SLCO5A1: variants seen among roughly 807,000 people sequenced by gnomAD.
SLCO5A1 encodes solute carrier organic anion transporter family member 5A1, also known as organic anion transporter polypeptide-related protein 4.
Under a neutral mutation model 65.1 loss-of-function variants are expected in SLCO5A1, and 39 were observed. The observed-to-expected ratio is 0.60, with a 90% CI of 0.46 to 0.78. The LOEUF is 0.78. Ranked by LOEUF, SLCO5A1 falls within the 30% of genes least tolerant of loss-of-function variation. The pLI is 0.00. For synonymous variants in SLCO5A1, 438 were observed against 415.7 expected (o/e 1.05, Z -0.65); for missense variants, 1,029 against 1,069.4 (o/e 0.96, Z 0.53).
chr8:69,813,813 G>A (rs948083489), intron 2 of SLCO5A1, among the ~76,000 whole-genome samples: 5 of 152,158 alleles, frequency 3.3e-5, no homozygotes, highest in African/African-American at 1.2e-4. Context: ...TTACTCCTTT[G>A]TTAAAATATA....
Position 69,738,134 on chromosome 8 carries a change from A to C in SLCO5A1, c.1329T>G (p.Ala443=). 6.2e-7 allele frequency: 1 copy of C among 1,613,998 alleles called. No individual in the cohort carries two copies. The highest frequency in any genetic ancestry group is 8.5e-7 in the Non-Finnish European group (1 of 1,179,908). ...TGAAAGCAGTTACAATGGCACTCTC[A>C]GCTGTGTATGACAAACTCACAAAAA... ...TFLFVSLSYT[A]ESAIVTAFIT... Residue 443 remains alanine (A), a synonymous_variant, in exon 5 of 10, where the codon GCT becomes GCG. Transcript: ENST00000260126.
At chr8:69,770,286 T>C (rs1818262140) in intron 2 of SLCO5A1, among the ~76,000 whole-genome samples, 1 of 152,282 alleles carries the variant, frequency 6.6e-6, no homozygotes, top group African/African-American at 2.4e-5. Context: ...AGCTTTATTA[T>C]GTATATGCTG....
At chr8:69,696,867 G>T (rs980755693) in intron 6 of SLCO5A1, among the ~76,000 whole-genome samples, 7 of 151,880 alleles carry the variant, frequency 4.6e-5, no homozygotes, top group Admixed American at 1.3e-4. Context: ...CTATGAAAAG[G>T]GAACACTCAG....
chr8:69,826,072 G>T (rs1820896494), intron 2 of SLCO5A1, among the ~76,000 whole-genome samples: 2 of 152,224 alleles, frequency 1.3e-5, no homozygotes, highest in African/African-American at 4.8e-5. Flanking sequence ...AAACTGGCTA[G>T]CCATATGCAG....
At chr8:69,724,648 A>G (rs1054530875) in intron 5 of SLCO5A1, among the ~76,000 whole-genome samples, 3 of 152,188 alleles carry the variant, frequency 2.0e-5, no homozygotes, top group East Asian at 1.9e-4. Flanking sequence ...TCCACTTCTA[A>G]TAATGTCTAA....
At position 69,761,758 on chromosome 8, in the gene SLCO5A1, C is replaced by A; in HGVS notation, c.1025G>T (p.Arg342Leu). 1 of 1,613,314 alleles carries A rather than the reference C, an allele frequency of 6.2e-7. No homozygotes were observed. ...CAGAACTTACCAGTTTCCAATGAAA[C>A]GAGGGTCATTCTGGTCAAGGTGAAC... The part of the protein sequence containing the change: ...NPVHLDQNDP[R>L]FIGNWWSGFL... Residue 342 changes from arginine to leucine, a missense_variant, in exon 3 of 10, where the codon CGT (arginine) becomes CTT (leucine). By Grantham distance (102) the Arg-to-Leu change is moderately radical. Transcript: ENST00000260126.
chr8:69,812,140 AG>A (rs1820230109), intron 2 of SLCO5A1, among the ~76,000 whole-genome samples: 1 of 152,244 alleles, frequency 6.6e-6, no homozygotes, highest in African/African-American at 2.4e-5. Flanking sequence ...TAAATTATCC[AG>A]AATAAATGGT....
At chr8:69,804,318 T>C (rs370167856) in intron 2 of SLCO5A1, among the ~76,000 whole-genome samples, 2 of 152,180 alleles carry the variant, frequency 1.3e-5, no homozygotes, top group African/African-American at 4.8e-5. Context: ...TGTTTTTGTT[T>C]TTTTGTTTTT....
At chr8:69,767,409 G>A (rs1409824567) in intron 2 of SLCO5A1, among the ~76,000 whole-genome samples, 1 of 152,208 alleles carries the variant, frequency 6.6e-6, no homozygotes, top group Non-Finnish European at 1.5e-5. Context: ...CCAAAATCAT[G>A]TGTTCAAATC....
intron 2 of SLCO5A1, chr8:69,772,949 A>C (rs1818395726): frequency 2.0e-6 from 2 of 985,272 alleles, no homozygotes; most frequent in African/African-American, 1.7e-5. Context: ...GAGTGGGTGC[A>C]ACAAGCACCA....
At chr8:69,792,381 G>A (rs1012901106) in intron 2 of SLCO5A1, among the ~76,000 whole-genome samples, 11 of 152,196 alleles carry the variant, frequency 7.2e-5, no homozygotes, top group African/African-American at 1.9e-4. Context: ...GGAAAAGACC[G>A]TAAATAAGGT....
chr8:69,824,978 C>A (rs1352669206), intron 2 of SLCO5A1, among the ~76,000 whole-genome samples: 1 of 151,950 alleles, frequency 6.6e-6, no homozygotes, highest in Non-Finnish European at 1.5e-5. Flanking sequence ...TCAATATACG[C>A]AAATCAATAA....
intron 2 of SLCO5A1, among the ~76,000 whole-genome samples, chr8:69,788,660 G>A (rs1430421992): frequency 2.0e-5 from 3 of 151,786 alleles, no homozygotes; most frequent in Non-Finnish European, 4.4e-5. Context: ...TAACAACCTT[G>A]GTATAAACTG....
chr8:69,731,891 C>T (rs1816354047), intron 5 of SLCO5A1, among the ~76,000 whole-genome samples: 3 of 150,238 alleles, frequency 2.0e-5, no homozygotes, highest in Admixed American at 2.0e-4. Flanking sequence ...TTGGAAATGG[C>T]CAGTGATAGT....
rs1447822490 is a variant in SLCO5A1 at position 69,672,170 on chromosome 8, AT to A, written c.*698del. ...GATTCAGCAGCCTCTTTATCTTAGG[AT>A]GGGGCAGGCAGACTGAAAGAGAATG... On this transcript the variant is annotated 3_prime_UTR_variant, in exon 10 of 10. Transcript: ENST00000260126. 1 of 152,354 alleles carries A rather than the reference AT, an allele frequency of 6.6e-6. No individual in the cohort carries two copies. The highest frequency in any genetic ancestry group is 1.9e-4 in the East Asian group (1 of 5,186). 9.4% of individuals were successfully genotyped at this position (152,354 alleles called of 1,614,324 possible).
intron 4 of SLCO5A1, among the ~76,000 whole-genome samples, chr8:69,754,477 C>T (rs570706895): frequency 1.3e-5 from 2 of 152,048 alleles, no homozygotes; most frequent in African/African-American, 2.4e-5. Flanking sequence ...ACAGTCAAAA[C>T]GAGATGATAA....
At chr8:69,807,256 A>G (rs1413794931) in intron 2 of SLCO5A1, among the ~76,000 whole-genome samples, 1 of 152,204 alleles carries the variant, frequency 6.6e-6, no homozygotes, top group Non-Finnish European at 1.5e-5. Flanking sequence ...ATGTATGGGT[A>G]CAATGTGATG....
chr8:69,690,959 C>T (rs935166067), intron 6 of SLCO5A1, among the ~76,000 whole-genome samples: 1 of 152,148 alleles, frequency 6.6e-6, no homozygotes, highest in Non-Finnish European at 1.5e-5. Context: ...TTCATCAGCA[C>T]ATAGCACTGG....
chr8:69,776,816 A>G (rs527311400), intron 2 of SLCO5A1, among the ~76,000 whole-genome samples: 11 of 152,274 alleles, frequency 7.2e-5, no homozygotes, highest in African/African-American at 2.7e-4. Context: ...GATATTCGGC[A>G]TCATTAGTCA....
Sources: allele counts gnomAD v4.1 joint callset (sites outside exome capture counted in the v4.1 genomes callset), GRCh38; gene constraint gnomAD v4.1.1; transcripts MANE v1.5; gene names NCBI Gene and HGNC (gene_info 2026-07-23, HGNC 2026-07-21).